Variants in NRG1 observed in about 807,000 individuals in gnomAD.
NRG1 encodes neuregulin 1.
A neutral mutation model predicts 63.8 loss-of-function variants in NRG1; 18 were observed. That is an observed-to-expected ratio of 0.28 (90% CI 0.19 to 0.42). The LOEUF (loss-of-function observed/expected upper bound fraction) is 0.42, where lower values mean the gene tolerates loss of function less well. Ranked by LOEUF, NRG1 falls within the 10% of genes least tolerant of loss-of-function variation. NRG1 has a pLI of 1.00. For missense variants in NRG1, 762 were observed against 814.7 expected (o/e 0.94, Z 0.79); for synonymous variants, 302 against 301.3 (o/e 1.00, Z -0.02).
At chr8:32,026,550 C>T (rs893736394) in intron 1 of NRG1, among the ~76,000 whole-genome samples, 3 of 152,058 alleles carry the variant, frequency 2.0e-5, no homozygotes, top group Non-Finnish European at 4.4e-5. Flanking sequence ...CCATTTTATT[C>T]TTGCAGTCAA....
chr8:32,114,370 G>A (rs372878006), intron 1 of NRG1, among the ~76,000 whole-genome samples: 2 of 152,178 alleles, frequency 1.3e-5, no homozygotes, highest in African/African-American at 4.8e-5. Context: ...GCATTAGTAG[G>A]AGTGCAACCT....
intron 1 of NRG1, among the ~76,000 whole-genome samples, chr8:32,069,966 G>A (rs550917674): frequency 1.3e-5 from 2 of 152,148 alleles, no homozygotes; most frequent in African/African-American, 4.8e-5. Flanking sequence ...TTCATCCTCG[G>A]TAGAGAGTCC....
chr8:32,510,328 C>G (rs929455426), intron 1 of NRG1, among the ~76,000 whole-genome samples: 8 of 150,932 alleles, frequency 5.3e-5, no homozygotes, highest in Non-Finnish European at 8.8e-5. Flanking sequence ...TGCTGCTGCA[C>G]TCTAGCATAG....
chr8:31,982,772 T>C (rs905898453), intron 1 of NRG1, among the ~76,000 whole-genome samples: 9 of 152,122 alleles, frequency 5.9e-5, no homozygotes, highest in Non-Finnish European at 1.0e-4. Context: ...GAGAAACTGC[T>C]ATTTTTTTCA....
intron 1 of NRG1, among the ~76,000 whole-genome samples, chr8:32,314,683 A>G (rs773519546): frequency 2.0e-5 from 3 of 152,174 alleles, no homozygotes; most frequent in Non-Finnish European, 2.9e-5. Context: ...AGTCTGAAAG[A>G]CGAGGAAGGG....
chr8:32,007,363 A>G (rs1038363360), intron 1 of NRG1, among the ~76,000 whole-genome samples: 10 of 152,028 alleles, frequency 6.6e-5, no homozygotes, highest in Non-Finnish European at 8.8e-5. Flanking sequence ...ACTTTGTTTG[A>G]TTATTTGGCT....
chr8:32,755,175 G>C (rs974279916), intron 8 of NRG1, among the ~76,000 whole-genome samples: 1 of 152,072 alleles, frequency 6.6e-6, no homozygotes, highest in Non-Finnish European at 1.5e-5. Flanking sequence ...ATAGATTTGG[G>C]TTCCCTATGT....
At chr8:32,540,604 T>C (rs17646307) in intron 1 of NRG1, among the ~76,000 whole-genome samples, 8,280 of 152,270 alleles carry the variant, frequency 0.054, 305 homozygotes, top group Middle Eastern at 0.085. Context: ...CTTTATGGGA[T>C]CACAGAGACT....
intron 1 of NRG1, among the ~76,000 whole-genome samples, chr8:32,272,613 C>T (rs1050040583): frequency 6.6e-6 from 1 of 152,162 alleles, no homozygotes; most frequent in Non-Finnish European, 1.5e-5. Flanking sequence ...GAGTTTAGAA[C>T]ATTGGATCAG....
exon 12 of NRG1, chr8:32,763,762 T>C (rs1831124451): frequency 2.6e-6 from 4 of 1,555,048 alleles, no homozygotes; most frequent in Non-Finnish European, 2.6e-6. Context: ...GTGTCAGCCA[T>C]GACCACCCCG....
At chr8:32,111,866 T>C (rs1832073325) in intron 1 of NRG1, among the ~76,000 whole-genome samples, 1 of 152,094 alleles carries the variant, frequency 6.6e-6, no homozygotes, top group African/African-American at 2.4e-5. Context: ...TCCTTATCTG[T>C]CTGGAATTGG....
intron 1 of NRG1, among the ~76,000 whole-genome samples, chr8:32,289,612 T>G (rs1401603934): frequency 2.0e-5 from 3 of 152,212 alleles, no homozygotes; most frequent in African/African-American, 7.2e-5. Context: ...GCTTGATTAA[T>G]GATTTCTTCT....
chr8:31,820,070 T>C (rs1199233146), intron 1 of NRG1, among the ~76,000 whole-genome samples: 1 of 144,562 alleles, frequency 6.9e-6, no homozygotes, highest in Non-Finnish European at 1.6e-5. Flanking sequence ...CTTTGTGTGA[T>C]GAACAGTGAT....
intron 1 of NRG1, among the ~76,000 whole-genome samples, chr8:32,066,500 A>G (rs1158022392): frequency 6.6e-6 from 1 of 151,908 alleles, no homozygotes; most frequent in African/African-American, 2.4e-5. Context: ...ATAGTTGTAG[A>G]TATGCAGCAT....
At chr8:32,473,456 C>A (rs531737420) in intron 1 of NRG1, among the ~76,000 whole-genome samples, 3 of 152,200 alleles carry the variant, frequency 2.0e-5, no homozygotes, top group African/African-American at 7.2e-5. Context: ...GATCAGAACT[C>A]CAAAGTCATA....
chr8:31,708,067 G>A (rs983759697), intron 1 of NRG1, among the ~76,000 whole-genome samples: 1 of 152,078 alleles, frequency 6.6e-6, no homozygotes, highest in African/African-American at 2.4e-5. Context: ...TTACGTTAAT[G>A]AAGTATCCAT....
intron 1 of NRG1, among the ~76,000 whole-genome samples, chr8:32,143,441 T>C (rs113463713): frequency 4.6e-5 from 7 of 152,318 alleles, no homozygotes; most frequent in African/African-American, 1.4e-4. Context: ...CCCCAGACCA[T>C]GAGCTCCATG....
intron 1 of NRG1, among the ~76,000 whole-genome samples, chr8:32,233,240 T>C (rs1333423072): frequency 6.6e-6 from 1 of 152,030 alleles, no homozygotes; most frequent in Non-Finnish European, 1.5e-5. Context: ...TAGCTGGGAC[T>C]ACAGGTGTGT....
At chr8:31,699,497 G>C (rs1190911949) in intron 1 of NRG1, among the ~76,000 whole-genome samples, 1 of 152,032 alleles carries the variant, frequency 6.6e-6, no homozygotes, top group African/African-American at 2.4e-5. Flanking sequence ...CCAATACTTT[G>C]ATGAAGTACT....
Sources: allele counts gnomAD v4.1 joint callset (sites outside exome capture counted in the v4.1 genomes callset), GRCh38; gene constraint gnomAD v4.1.1; transcripts MANE v1.5; gene names NCBI Gene and HGNC (gene_info 2026-07-23, HGNC 2026-07-21).